Variants in KIAA2013 observed in about 807,000 individuals in gnomAD.
The protein encoded by KIAA2013 is uncharacterized protein KIAA2013.
Under a neutral mutation model 39.9 loss-of-function variants are expected in KIAA2013, and 20 were observed. The observed-to-expected ratio is 0.50, with a 90% CI of 0.35 to 0.73. KIAA2013 has a LOEUF of 0.73. Ranked by LOEUF, KIAA2013 falls within the 30% of genes least tolerant of loss-of-function variation. The pLI is 0.01. For synonymous variants in KIAA2013, 336 were observed against 416.6 expected (o/e 0.81, Z 2.35); for missense variants, 587 against 856.1 (o/e 0.69, Z 3.92).
At chr1:11,922,339 G>T in intron 2 of KIAA2013, 1 of 1,419,352 alleles carries the variant, frequency 7.0e-7, no homozygotes, top group Non-Finnish European at 9.2e-7. Flanking sequence ...ACAGGCACAA[G>T]CCACCACACC....
chr1:11,922,382 A>G, intron 2 of KIAA2013: 1 of 1,434,196 alleles, frequency 7.0e-7, no homozygotes, highest in Non-Finnish European at 9.1e-7. Flanking sequence ...GCTGAGATTT[A>G]TGATGCGGGA....
chr1:11,925,188 C>T lies in KIAA2013; in HGVS notation c.1033+17G>A. 9 of 1,546,716 alleles carry T rather than the reference C, an allele frequency of 5.8e-6. No homozygotes were observed. Among genetic ancestry groups the T allele is most frequent in the South Asian group, 1.2e-5 (1 of 80,346 alleles). On this transcript the variant is annotated intron_variant, in intron 1 of 2. Transcript: ENST00000376572. This position sits in a 1 kb window ranked among gnomAD's most constrained non-coding sequence, Gnocchi z 5.2. Reference sequence around the variant, plus strand: ...AGGGACATATCTAGGGTGGACCAAGCGCTGGCCAGGACTCACCTGGGCTGA... The same window carrying T: ...AGGGACATATCTAGGGTGGACCAAGTGCTGGCCAGGACTCACCTGGGCTGA...
intron 2 of KIAA2013, among the ~76,000 whole-genome samples, chr1:11,921,545 TATTA>T (rs943783943): frequency 6.6e-6 from 1 of 151,478 alleles, no homozygotes; most frequent in African/African-American, 2.4e-5. Flanking sequence ...TATTATTATT[TATTA>T]TTTATTTTTT....
At chr1:11,922,275 A>G in intron 2 of KIAA2013, 1 of 1,159,098 alleles carries the variant, frequency 8.6e-7, no homozygotes, top group Non-Finnish European at 1.1e-6. Context: ...CTGCAGCCTC[A>G]AACTCCTGGG....
At chr1:11,921,037 AAGAAG>A (rs1007854156) in intron 2 of KIAA2013, among the ~76,000 whole-genome samples, 2 of 151,878 alleles carry the variant, frequency 1.3e-5, no homozygotes, top group East Asian at 1.9e-4. Context: ...TAAAGGAGAA[AAGAAG>A]AGAAGGGAGG....
In KIAA2013 at chr1:11,925,264, A is replaced by AT. The variant is rs1418524294; in HGVS notation, c.973dup (p.Met325AsnfsTer29). On this transcript the variant is annotated frameshift_variant, in exon 1 of 3. Coordinates refer to ENST00000376572, the MANE Select transcript of KIAA2013 (RefSeq NM_138346.3). LOFTEE classifies it high-confidence loss of function. This position sits in a 1 kb window ranked among gnomAD's most constrained non-coding sequence, Gnocchi z 5.2. ...GTCTTGAAGCAGCTCCGCCGCTGGC[A>AT]TGTCCAAGAGCTCCAGCATTTCCTT... is the stretch of plus-strand genomic sequence containing the variant. The AT allele has an allele frequency of 1.9e-6, 3 of 1,610,834 alleles. No individual in the cohort carries two copies. In the African/African-American group the frequency reaches 4.0e-5, roughly 22 times the overall value.
Position 11,925,652 on chromosome 1 carries a change from T to C in KIAA2013, c.586A>G (p.Arg196Gly), listed in dbSNP as rs1258762572. Residue 196 changes from arginine (R) to glycine (G), a missense_variant, in exon 1 of 3, where the codon AGG (arginine) becomes GGG (glycine). Coordinates refer to ENST00000376572, the MANE Select transcript of KIAA2013 (RefSeq NM_138346.3). This position sits in a 1 kb window ranked among gnomAD's most constrained non-coding sequence, Gnocchi z 5.2. ...VLLQEDFLAH[R>G]GRPHVYLQRI... ...TGCAGGTAGACGTGGGGTCGGCCCCTGTGCGCCAGAAAGTCCTCTTGCAGC... is the reference window on the plus strand; with the variant it reads ...TGCAGGTAGACGTGGGGTCGGCCCCCGTGCGCCAGAAAGTCCTCTTGCAGC... The C allele has an allele frequency of 1.2e-6, 2 of 1,608,218 alleles. No homozygotes were observed. Among genetic ancestry groups the C allele is most frequent in the Non-Finnish European group, 1.7e-6 (2 of 1,178,924 alleles).
rs1645503603 is a variant in KIAA2013 at position 11,925,836 on chromosome 1, C to G, written c.402G>C (p.Leu134=). The G allele has an allele frequency of 6.5e-7, 1 of 1,533,942 alleles. No homozygotes were observed. Among genetic ancestry groups the G allele is most frequent in the Non-Finnish European group, 8.7e-7 (1 of 1,147,644 alleles). ...GCAGCACCGCCTCTCCAGCTTCAGC[C>G]AGCGCGCTCAGCGGGCGCAGCTGCA... ...PFVQLRPLSA[L]AEAGEAVLLL... Residue 134 remains leucine (L), a synonymous_variant, in exon 1 of 3, where the codon CTG becomes CTC. Coordinates refer to ENST00000376572, the MANE Select transcript of KIAA2013 (RefSeq NM_138346.3). This position sits in a 1 kb window ranked among gnomAD's most constrained non-coding sequence, Gnocchi z 5.2.
Position 11,925,839 on chromosome 1 carries a change from C to G in KIAA2013, c.399G>C (p.Ala133=), listed in dbSNP as rs577292592. 3 of 1,533,756 alleles carry G rather than the reference C, an allele frequency of 2.0e-6. No homozygotes were observed. The part of the protein sequence containing the change: ...VPFVQLRPLS[A]LAEAGEAVLL... ...GCACCGCCTCTCCAGCTTCAGCCAG[C>G]GCGCTCAGCGGGCGCAGCTGCACGA... The change falls in exon 1 of 3, where the codon GCG becomes GCC. Residue 133 remains alanine, a synonymous_variant. Coordinates refer to ENST00000376572, the MANE Select transcript of KIAA2013 (RefSeq NM_138346.3). The surrounding 1 kb of genome is among the most constrained non-coding windows in gnomAD (Gnocchi z 5.2).
At position 11,923,296 on chromosome 1, in the gene KIAA2013, G is replaced by T. The variant is rs61731864; in HGVS notation, c.1227C>A (p.Ala409=). The part of the protein sequence containing the change: ...HCFSGHATMH[A]ENLWPGRLSS... ...ACAGCCGCCCCGGCCACAGGTTCTCGGCGTGCATGGTGGCGTGCCCGCTGA... is the reference window on the plus strand; with the variant it reads ...ACAGCCGCCCCGGCCACAGGTTCTCTGCGTGCATGGTGGCGTGCCCGCTGA... The change falls in exon 2 of 3, where the codon GCC becomes GCA. Residue 409 remains alanine (A), a synonymous_variant. Coordinates refer to ENST00000376572, the MANE Select transcript of KIAA2013 (RefSeq NM_138346.3). The surrounding 1 kb of genome is among the most constrained non-coding windows in gnomAD (Gnocchi z 4.6). The T allele has an allele frequency of 1.2e-6, 2 of 1,613,188 alleles. No homozygotes were observed. The highest frequency in any genetic ancestry group is 1.7e-5 in the Admixed American group (1 of 59,972).
rs1645487337 is a variant in KIAA2013 at position 11,923,416 on chromosome 1, CATGT to C, written c.1103_1106del (p.Tyr368CysfsTer14). 6.2e-7 allele frequency: 1 copy of C among 1,612,176 alleles called. No homozygotes were observed. The highest frequency in any genetic ancestry group is 1.3e-5 in the African/African-American group (1 of 74,892). On this transcript the variant is annotated frameshift_variant, in exon 2 of 3. Transcript: ENST00000376572. LOFTEE classifies it high-confidence loss of function. The surrounding 1 kb of genome is among the most constrained non-coding windows in gnomAD (Gnocchi z 4.6). Reference sequence around the variant, plus strand: ...GCAGTGGGGCTGGCGAGCAGGAGAGCATGTAATAGAGCGTCAGGTTCACGGTGAG... The same window carrying C: ...GCAGTGGGGCTGGCGAGCAGGAGAGCAATAGAGCGTCAGGTTCACGGTGAG...
rs1475795073 is a variant in KIAA2013, at chr1:11,922,741, G to A, written c.1782C>T (p.Phe594=). 2 of 1,613,976 alleles carry A rather than the reference G, an allele frequency of 1.2e-6. No individual in the cohort carries two copies. The highest frequency in any genetic ancestry group is 2.7e-5 in the African/African-American group (2 of 74,958). The part of the protein sequence containing the change: ...AQQDPGLPFL[F]WFSVASLITL... Reference sequence around the variant, plus strand: ...TGATTAGGGAGGCCACGCTGAACCAGAAGAGGAAGGGCAGCCCGGGGTCCT... The same window carrying A: ...TGATTAGGGAGGCCACGCTGAACCAAAAGAGGAAGGGCAGCCCGGGGTCCT... Residue 594 remains phenylalanine, a synonymous_variant, in exon 2 of 3, where the codon TTC becomes TTT. Transcript: ENST00000376572.
At chr1:11,924,701 G>A (rs1158931616) in intron 1 of KIAA2013, among the ~76,000 whole-genome samples, 1 of 152,080 alleles carries the variant, frequency 6.6e-6, no homozygotes, top group Non-Finnish European at 1.5e-5. Context: ...TTCATCGGGC[G>A]GGAGCATCTC....
At chr1:11,924,092 G>A (rs1419073767) in intron 1 of KIAA2013, among the ~76,000 whole-genome samples, 1 of 151,546 alleles carries the variant, frequency 6.6e-6, no homozygotes, top group Non-Finnish European at 1.5e-5. Flanking sequence ...AACACGTGCT[G>A]GGCCCCTTTG....
intron 2 of KIAA2013, among the ~76,000 whole-genome samples, 157 bp from the exon 3 acceptor site, chr1:11,920,489 G>C (rs1300139721): frequency 2.0e-5 from 3 of 152,218 alleles, no homozygotes; most frequent in Non-Finnish European, 4.4e-5. Context: ...GGCCCTTCTG[G>C]AGCTGAGTGT....
At position 11,925,533 on chromosome 1, in the gene KIAA2013, G is replaced by C. The variant is rs770653017; in HGVS notation, c.705C>G (p.Thr235=). The C allele has an allele frequency of 1.9e-6, 3 of 1,602,794 alleles. No individual in the cohort carries two copies. The highest frequency in any genetic ancestry group is 2.6e-6 in the Non-Finnish European group (3 of 1,174,892). ...AGPAPKAFTS[T]LEKVGDHQFL... is the part of the protein sequence containing the mutation. ...ACTGATGGTCTCCGACCTTCTCCAG[G>C]GTACTGGTGAAGGCCTTGGGGGCTG... Residue 235 remains threonine (T), a synonymous_variant, in exon 1 of 3, where the codon ACC becomes ACG. Coordinates refer to ENST00000376572, the MANE Select transcript of KIAA2013 (RefSeq NM_138346.3). The surrounding 1 kb of genome is among the most constrained non-coding windows in gnomAD (Gnocchi z 5.2).
At chr1:11,922,394 G>A in intron 2 of KIAA2013, 1 of 1,438,930 alleles carries the variant, frequency 6.9e-7, no homozygotes, top group African/African-American at 1.4e-5. Flanking sequence ...GATGCGGGAG[G>A]AGGGGAGGGC....
At chr1:11,924,307 G>T (rs188859019) in intron 1 of KIAA2013, among the ~76,000 whole-genome samples, 1 of 143,222 alleles carries the variant, frequency 7.0e-6, no homozygotes, top group Non-Finnish European at 1.5e-5. Flanking sequence ...GGCCAGGTTG[G>T]CTTGAACTCC....
At position 11,923,568 on chromosome 1, in the gene KIAA2013, G is replaced by T; in HGVS notation, c.1034-79C>A. ...GCATACGAAATAAAGACCAAGGGCA[G>T]CAGAAGAGTGAGGTGTTGTGCCTTA... On this transcript the variant is annotated intron_variant, in intron 1 of 2. Coordinates refer to ENST00000376572, the MANE Select transcript of KIAA2013 (RefSeq NM_138346.3). The surrounding 1 kb of genome is among the most constrained non-coding windows in gnomAD (Gnocchi z 4.6). 1 of 1,436,318 alleles carries T rather than the reference G, an allele frequency of 7.0e-7. No individual in the cohort carries two copies. The highest frequency in any genetic ancestry group is 9.6e-7 in the Non-Finnish European group (1 of 1,046,168). The allele number at this position is 1,436,318 out of a possible 1,614,324, so 89.0% of individuals were successfully genotyped here.
Sources: allele counts gnomAD v4.1 joint callset (sites outside exome capture counted in the v4.1 genomes callset), GRCh38; gene constraint gnomAD v4.1.1; non-coding constraint Gnocchi (gnomAD v3.1); transcripts MANE v1.5; gene names NCBI Gene and HGNC (gene_info 2026-07-23, HGNC 2026-07-21).